CDH12: variants seen among roughly 807,000 people sequenced by gnomAD.
The protein encoded by CDH12 is cadherin-12.
Under a neutral mutation model 74.1 loss-of-function variants are expected in CDH12, and 41 were observed. The ratio of observed to expected loss-of-function variants is 0.55; its 90% confidence interval spans 0.43 to 0.72. The LOEUF (loss-of-function observed/expected upper bound fraction) is 0.72. Among genes scored for constraint, CDH12 ranks in the 30% least tolerant of loss-of-function variants. The pLI, the probability that CDH12 is intolerant of heterozygous loss-of-function variation, is 0.00. For synonymous variants in CDH12, 399 were observed against 355.0 expected, an observed-to-expected ratio of 1.12 and a Z score of -1.39; for missense variants, 945 against 977.2, an observed-to-expected ratio of 0.97 and a Z score of 0.44.
intron 4 of CDH12, among the ~76,000 whole-genome samples, chr5:22,190,556 C>T (rs1257524327): frequency 6.6e-6 from 1 of 152,104 alleles, no homozygotes; most frequent in Non-Finnish European, 1.5e-5. Flanking sequence ...TGAAGTTGAC[C>T]CCTCTCCCTT....
chr5:21,940,261 G>T (rs943361446), intron 6 of CDH12, among the ~76,000 whole-genome samples: 14 of 151,898 alleles, frequency 9.2e-5, no homozygotes, highest in African/African-American at 3.4e-4. Flanking sequence ...TAAATATGAT[G>T]ATATGATTTA....
rs555550292 is a variant in CDH12 at position 22,650,516 on chromosome 5, A to G, written c.-522-145152T>C. On this transcript the variant is annotated intron_variant, in intron 1 of 14. Transcript: ENST00000382254. ...TTACTCCCTTAGCAATGTTCTTTCA[A>G]CACAAAATCATATGTACACACTTGC... Among the ~76,000 whole-genome samples, 13 of 152,176 alleles carry G rather than the reference A, an allele frequency of 8.5e-5. No individual in the cohort carries two copies. The South Asian group carries it at 1.9e-3, about 22-fold the overall frequency.
At chr5:22,663,927 AC>A (rs1279130239) in intron 1 of CDH12, among the ~76,000 whole-genome samples, 6 of 152,136 alleles carry the variant, frequency 3.9e-5, no homozygotes, top group African/African-American at 1.4e-4. Context: ...AATTTCTTTC[AC>A]ATGGCTTTAT....
At chr5:22,336,465 G>GA (rs910316749) in intron 3 of CDH12, among the ~76,000 whole-genome samples, 1 of 152,056 alleles carries the variant, frequency 6.6e-6, no homozygotes, top group African/African-American at 2.4e-5. Flanking sequence ...GGCCTAGGAA[G>GA]AAAAAAAGGT....
chr5:21,912,249 C>T (rs955211852), intron 6 of CDH12, among the ~76,000 whole-genome samples: 3 of 151,372 alleles, frequency 2.0e-5, no homozygotes, highest in Admixed American at 6.6e-5. Flanking sequence ...ACATAGTGTG[C>T]TTTCTGAATG....
At chr5:22,696,715 A>G (rs1387083031) in intron 1 of CDH12, among the ~76,000 whole-genome samples, 1 of 152,244 alleles carries the variant, frequency 6.6e-6, no homozygotes, top group African/African-American at 2.4e-5. Context: ...ATGGCTTCTG[A>G]AGATGTTTCT....
chr5:22,660,648 G>T (rs1327837777), intron 1 of CDH12, among the ~76,000 whole-genome samples: 1 of 152,084 alleles, frequency 6.6e-6, no homozygotes, highest in East Asian at 1.9e-4. Flanking sequence ...GAAGTTCTGG[G>T]CTCAAGTAAT....
chr5:22,658,558 A>G (rs1245481799), intron 1 of CDH12, among the ~76,000 whole-genome samples: 1 of 152,130 alleles, frequency 6.6e-6, no homozygotes, highest in Non-Finnish European at 1.5e-5. Flanking sequence ...GGAACAAATA[A>G]AGAATTCCTC....
At chr5:21,770,050 T>C (rs1488570925) in intron 11 of CDH12, among the ~76,000 whole-genome samples, 2 of 152,186 alleles carry the variant, frequency 1.3e-5, no homozygotes, top group Admixed American at 6.5e-5. Flanking sequence ...GCCTGAAATC[T>C]ACCAACATAT....
chr5:22,348,254 G>T (rs1740208299), intron 3 of CDH12, among the ~76,000 whole-genome samples: 1 of 152,152 alleles, frequency 6.6e-6, no homozygotes, highest in African/African-American at 2.4e-5. Flanking sequence ...AAGCCTGAGT[G>T]CTTTTGAAGT....
intron 4 of CDH12, among the ~76,000 whole-genome samples, chr5:22,158,006 T>A (rs556752222): frequency 5.9e-5 from 9 of 152,192 alleles, no homozygotes; most frequent in African/African-American, 1.9e-4. Flanking sequence ...TAAATGAACG[T>A]ATTATTACAA....
chr5:22,692,822 TTC>T (rs1018407471), intron 1 of CDH12, among the ~76,000 whole-genome samples: 1 of 149,456 alleles, frequency 6.7e-6, no homozygotes, highest in Admixed American at 6.9e-5. Flanking sequence ...ACCTTTTTTT[TTC>T]CTGAATAAAC....
At chr5:22,691,657 T>A (rs1179218829) in intron 1 of CDH12, among the ~76,000 whole-genome samples, 1 of 152,180 alleles carries the variant, frequency 6.6e-6, no homozygotes, top group Non-Finnish European at 1.5e-5. Context: ...CTATAATGCC[T>A]CCAGTGGAAG....
At chr5:22,630,128 A>G (rs1182882923) in intron 1 of CDH12, among the ~76,000 whole-genome samples, 2 of 152,132 alleles carry the variant, frequency 1.3e-5, no homozygotes, top group Admixed American at 6.6e-5. Context: ...AAATGGAAAA[A>G]CATTCAGTGC....
At position 22,008,795 on chromosome 5, in the gene CDH12, A is replaced by G. The variant is rs6882334; in HGVS notation, c.232-33410T>C. 1.8e-3 allele frequency among the ~76,000 whole-genome samples: 281 copies of G among 152,222 alleles called. 1 individual carries two copies. The highest frequency in any genetic ancestry group is 6.4e-3 in the African/African-American group (265 of 41,540). On this transcript the variant is annotated intron_variant, in intron 5 of 14. Coordinates refer to ENST00000382254, the MANE Select transcript of CDH12 (RefSeq NM_004061.5). ...ATTGCTCCTGACCTGCGACCATTTT[A>G]AAACCACATTTGGGACTTTAAGGTC...
chr5:22,787,119 C>T (rs1338679818), intron 1 of CDH12, among the ~76,000 whole-genome samples: 2 of 151,498 alleles, frequency 1.3e-5, no homozygotes, highest in Admixed American at 1.3e-4. Context: ...GTTCTTAGGA[C>T]CTCTAAAACA....
intron 3 of CDH12, among the ~76,000 whole-genome samples, chr5:22,276,830 G>T (rs1338942047): frequency 6.6e-6 from 1 of 152,122 alleles, no homozygotes; most frequent in African/African-American, 2.4e-5. Flanking sequence ...GGGATTACAG[G>T]TACATGATAT....
At chr5:22,025,004 T>C (rs1232180816) in intron 5 of CDH12, among the ~76,000 whole-genome samples, 1 of 152,144 alleles carries the variant, frequency 6.6e-6, no homozygotes, top group Non-Finnish European at 1.5e-5. Context: ...CCAACCCAAC[T>C]GATACTCAGC....
rs186910539 is a variant in CDH12, at chr5:22,697,409, A to G, written c.-523+155649T>C. Among the ~76,000 whole-genome samples the G allele has an allele frequency of 8.2e-4, 124 of 151,972 alleles. 1 individual carries two copies. The highest frequency in any genetic ancestry group is 6.8e-3 in the Middle Eastern group (2 of 294). On this transcript the variant is annotated intron_variant, in intron 1 of 14. Transcript: ENST00000382254. The stretch of plus-strand genomic sequence containing the variant: ...ACACGGTGGAACCCCGTCTCTACTA[A>G]AAAATAGAAAAAATTAGCCAGGCGT...
Sources: allele counts gnomAD v4.1 joint callset (sites outside exome capture counted in the v4.1 genomes callset), GRCh38; gene constraint gnomAD v4.1.1; transcripts MANE v1.5; gene names NCBI Gene and HGNC (gene_info 2026-07-23, HGNC 2026-07-21).